The following TNRC6A variants were observed in gnomAD, a reference collection of about 807,000 sequenced individuals.
The protein encoded by TNRC6A is trinucleotide repeat containing adaptor 6A.
Under a neutral mutation model 221.2 loss-of-function variants are expected in TNRC6A, and 44 were observed. That is an observed-to-expected ratio of 0.20 (90% CI 0.16 to 0.26). TNRC6A has a LOEUF of 0.26. Among genes scored for constraint, TNRC6A ranks in the 10% least tolerant of loss-of-function variants. TNRC6A has a pLI of 1.00. For missense variants in TNRC6A, 2,199 were observed against 2,404.4 expected (o/e 0.91, Z 1.79); for synonymous variants, 847 against 838.5 (o/e 1.01, Z -0.18).
At chr16:24,712,907 C>CTG (rs61198955) in intron 2 of TNRC6A, among the ~76,000 whole-genome samples, 1,541 of 126,680 alleles carry the variant, frequency 0.012, 10 homozygotes, top group African/African-American at 0.03. Context: ...TTATGTGCCA[C>CTG]TGTGTGTGTG....
At chr16:24,666,378 C>G in intron 2 of TNRC6A, among the ~76,000 whole-genome samples, 1 of 148,872 alleles carries the variant, frequency 6.7e-6, no homozygotes, top group East Asian at 2.0e-4. Flanking sequence ...GAGGCTGAAG[C>G]AGGAGAATGG....
chr16:24,745,806 C>T (rs1015478022), intron 2 of TNRC6A, among the ~76,000 whole-genome samples: 2 of 148,814 alleles, frequency 1.3e-5, no homozygotes, highest in African/African-American at 2.5e-5. Flanking sequence ...CCCCCCCCCC[C>T]CCAGCTAATT....
At chr16:24,767,390 G>A (rs2057496481) in intron 4 of TNRC6A, among the ~76,000 whole-genome samples, 1 of 152,208 alleles carries the variant, frequency 6.6e-6, no homozygotes, top group South Asian at 2.1e-4. Flanking sequence ...ATTAGGGAAA[G>A]TCGAGGTGAG....
intron 17 of TNRC6A, 138 bp downstream of exon 17, chr16:24,806,922 A>T: frequency 1.3e-6 from 1 of 788,498 alleles, no homozygotes; most frequent in South Asian, 1.7e-5. Flanking sequence ...GAGAGTTGCC[A>T]TCCCCTCTCC....
chr16:24,732,180 A>G (rs2056660416), intron 2 of TNRC6A, among the ~76,000 whole-genome samples: 1 of 152,188 alleles, frequency 6.6e-6, no homozygotes, highest in African/African-American at 2.4e-5. Flanking sequence ...TTGCAGGTTA[A>G]AAGTGTTCTG....
chr16:24,799,633 AAC>A (rs1336659129), intron 11 of TNRC6A, among the ~76,000 whole-genome samples: 3 of 152,250 alleles, frequency 2.0e-5, no homozygotes, highest in Non-Finnish European at 2.9e-5. Context: ...TATACAAATT[AAC>A]ACATCCATAT....
chr16:24,709,741 C>T (rs867826580), intron 2 of TNRC6A, among the ~76,000 whole-genome samples: 2 of 150,428 alleles, frequency 1.3e-5, no homozygotes, highest in Admixed American at 6.7e-5. Flanking sequence ...AGGAGGATCA[C>T]TTGAGCCCAG....
At chr16:24,808,901 C>T (rs1346077923) in intron 17 of TNRC6A, among the ~76,000 whole-genome samples, 2 of 152,026 alleles carry the variant, frequency 1.3e-5, no homozygotes, top group Non-Finnish European at 2.9e-5. Flanking sequence ...ATTCTTGTTC[C>T]AAGAGAATAT....
intron 12 of TNRC6A, 22 bp from the exon 13 acceptor site, chr16:24,804,683 A>G (rs750434420): frequency 2.6e-6 from 4 of 1,556,794 alleles, no homozygotes; most frequent in Non-Finnish European, 3.5e-6. Flanking sequence ...GGTGTTGCAC[A>G]TCTTTCTGTC....
At chr16:24,749,336 T>C (rs936667852) in intron 2 of TNRC6A, among the ~76,000 whole-genome samples, 8 of 152,146 alleles carry the variant, frequency 5.3e-5, no homozygotes, top group African/African-American at 1.2e-4. Context: ...GGCAGCAGCC[T>C]CCAGTAAGAT....
chr16:24,663,051 G>A (rs1267982389), intron 2 of TNRC6A: 9 of 153,738 alleles, frequency 5.9e-5, no homozygotes, highest in African/African-American at 2.2e-4. Context: ...ATCTCAGTGT[G>A]TTCAGAACTG....
At chr16:24,778,408 C>A in intron 5 of TNRC6A, 1 of 985,374 alleles carries the variant, frequency 1.0e-6, no homozygotes, top group Non-Finnish European at 1.2e-6. Flanking sequence ...TGCTTGTAAC[C>A]ACCATGCTGT....
chr16:24,775,251 G>A (rs1057491709), intron 4 of TNRC6A, among the ~76,000 whole-genome samples: 1 of 152,086 alleles, frequency 6.6e-6, no homozygotes, highest in African/African-American at 2.4e-5. Flanking sequence ...AAAGCACTTT[G>A]CCCCAATTAT....
At chr16:24,708,829 T>C (rs1596527756) in intron 2 of TNRC6A, among the ~76,000 whole-genome samples, 1 of 152,324 alleles carries the variant, frequency 6.6e-6, no homozygotes, top group Non-Finnish European at 1.5e-5. Flanking sequence ...AGACATTATT[T>C]TGTTTCTCTT....
At chr16:24,621,502 C>A (rs560091462) in intron 1 of TNRC6A, among the ~76,000 whole-genome samples, 46 of 151,636 alleles carry the variant, frequency 3.0e-4, no homozygotes, top group Non-Finnish European at 4.7e-4. Flanking sequence ...GGAATTCAGG[C>A]GTGCGGCACC....
intron 1 of TNRC6A, among the ~76,000 whole-genome samples, chr16:24,637,367 G>A (rs1305523998): frequency 6.6e-6 from 1 of 152,132 alleles, no homozygotes; most frequent in Non-Finnish European, 1.5e-5. Context: ...GGTCTGGGCA[G>A]CCTGGCGTTC....
At chr16:24,711,845 G>A (rs28768414) in intron 2 of TNRC6A, among the ~76,000 whole-genome samples, 37,035 of 151,656 alleles carry the variant, frequency 0.24, 4,937 homozygotes, top group Non-Finnish European at 0.31. Context: ...TTTAAAAATA[G>A]AGATGGAATC....
chr16:24,779,322 A>G (rs1320768895), intron 5 of TNRC6A, among the ~76,000 whole-genome samples: 1 of 152,234 alleles, frequency 6.6e-6, no homozygotes, highest in Non-Finnish European at 1.5e-5. Flanking sequence ...AAACAACTAG[A>G]AAATGCAGAT....
chr16:24,623,567 A>G lies in TNRC6A; in HGVS notation n.276+13083A>G, dbSNP rs557210497. ...TACAGAATTTGTGGAGCCCAGTACA[A>G]AATGAAAACACAGGGTCCCTTATTT... On this transcript the variant is annotated intron_variant and non_coding_transcript_variant, in intron 1 of 2. Transcript: ENST00000566108. 3.0e-3 allele frequency among the ~76,000 whole-genome samples: 449 copies of G among 152,198 alleles called. 3 individuals carry two copies. The highest frequency in any genetic ancestry group is 9.9e-3 in the African/African-American group (410 of 41,522).
Sources: gnomAD v4.1 joint callset for allele counts (sites outside exome capture counted in the v4.1 genomes callset) on GRCh38, gnomAD v4.1.1 for gene constraint, MANE v1.5 for transcripts, NCBI Gene and HGNC (gene_info 2026-07-23, HGNC 2026-07-21) for gene names.